The following GLDC variants were observed in gnomAD, a reference collection of about 807,000 sequenced individuals.
GLDC encodes glycine decarboxylase, also known as glycine dehydrogenase (decarboxylating), mitochondrial.
Under a neutral mutation model 121.3 loss-of-function variants are expected in GLDC, and 104 were observed. The ratio of observed to expected loss-of-function variants is 0.86; its 90% confidence interval spans 0.73 to 1.01. The LOEUF is 1.01. Among genes scored for constraint, GLDC ranks in the 50% least tolerant of loss-of-function variants. The pLI is 0.00. For synonymous variants in GLDC, 546 were observed against 480.6 expected, an observed-to-expected ratio of 1.14 and a Z score of -1.78; for missense variants, 1,429 against 1,306.6, an observed-to-expected ratio of 1.09 and a Z score of -1.44.
chr9:6,627,676 C>A (rs1295087014), intron 2 of GLDC, among the ~76,000 whole-genome samples: 1 of 152,176 alleles, frequency 6.6e-6, no homozygotes, highest in Non-Finnish European at 1.5e-5. Flanking sequence ...CATTGCCCAA[C>A]ACTACAAAAC....
At chr9:6,614,237 T>TTTTG (rs1194174458) in intron 3 of GLDC, among the ~76,000 whole-genome samples, 1 of 151,334 alleles carries the variant, frequency 6.6e-6, no homozygotes, top group Non-Finnish European at 1.5e-5. Flanking sequence ...GGCTTTTGGT[T>TTTTG]TTTGTTTTGT....
At position 6,532,730 on chromosome 9, in the gene GLDC, A is replaced by G. The variant is rs1030929444; in HGVS notation, c.*287T>C. 15 of 413,418 alleles carry G rather than the reference A, an allele frequency of 3.6e-5. No homozygotes were observed. Among genetic ancestry groups the G allele is most frequent in the Non-Finnish European group, 6.8e-5 (15 of 221,070 alleles). The allele number at this position is 413,418 out of a possible 1,614,324, so 25.6% of individuals were successfully genotyped here. A position where few individuals can be genotyped will look rare whatever the true frequency, so the allele number is the denominator to read the frequency against. On this transcript the variant is annotated 3_prime_UTR_variant, in exon 25 of 25. Coordinates refer to ENST00000321612, the MANE Select transcript of GLDC (RefSeq NM_000170.3). The stretch of plus-strand genomic sequence containing the variant: ...TCTATGACATCTGCAAACTTGCCAC[A>G]TTAAAAGTTAAAGTTCCTAAAACTT...
intron 8 of GLDC, among the ~76,000 whole-genome samples, chr9:6,599,934 A>T (rs1297492473): frequency 6.6e-6 from 1 of 152,090 alleles, no homozygotes; most frequent in Non-Finnish European, 1.5e-5. Context: ...AACCAACTAT[A>T]AGAAGATCTT....
intron 15 of GLDC, among the ~76,000 whole-genome samples, chr9:6,580,347 T>A (rs1818149383): frequency 6.6e-6 from 1 of 152,184 alleles, no homozygotes; most frequent in African/African-American, 2.4e-5. Context: ...AGTCTGGGAA[T>A]GTGCAATAGA....
In GLDC at chr9:6,553,847, A is replaced by G. The variant is rs372257117; in HGVS notation, c.2316-338T>C. ...CCCTATACACTTTCCCAAGATGGAC[A>G]TAGGAGGGGCTGATGAGAAGATGCC... On this transcript the variant is annotated intron_variant, in intron 19 of 24. Transcript: ENST00000321612. Among the ~76,000 whole-genome samples the G allele has an allele frequency of 5.3e-5, 8 of 152,106 alleles. 1 individual carries two copies. The East Asian group carries it at 1.2e-3, about 22-fold the overall frequency.
intron 15 of GLDC, among the ~76,000 whole-genome samples, chr9:6,566,173 G>A (rs1163067086): frequency 6.6e-6 from 1 of 152,216 alleles, no homozygotes; most frequent in Non-Finnish European, 1.5e-5. Flanking sequence ...AGTCTGTGAG[G>A]CGGAGACTGC....
At chr9:6,611,538 A>C (rs1446553694) in intron 3 of GLDC, among the ~76,000 whole-genome samples, 1 of 145,330 alleles carries the variant, frequency 6.9e-6, no homozygotes, top group Admixed American at 7.3e-5. Context: ...CCTGGGCAAC[A>C]GAGCAAGACT....
At chr9:6,564,403 A>G (rs576067222) in intron 16 of GLDC, among the ~76,000 whole-genome samples, 1 of 152,124 alleles carries the variant, frequency 6.6e-6, no homozygotes, top group Non-Finnish European at 1.5e-5. Flanking sequence ...AGCATTCTTT[A>G]TTGCAAATTC....
intron 9 of GLDC, 73 bp downstream of exon 9, chr9:6,594,941 G>A (rs1818462218): frequency 1.1e-6 from 1 of 892,418 alleles, no homozygotes; most frequent in Non-Finnish European, 1.9e-6. Context: ...TATTGGACAT[G>A]CAATATTTTC....
In GLDC at chr9:6,588,689, T is replaced by C. The variant is rs746088689; in HGVS notation, c.1594A>G (p.Thr532Ala). The C allele has an allele frequency of 1.9e-6, 3 of 1,612,550 alleles. No homozygotes were observed. Among genetic ancestry groups the C allele is most frequent in the Admixed American group, 1.7e-5 (1 of 59,986 alleles). The change falls in exon 13 of 25, where the codon ACA becomes GCA. Residue 532 changes from threonine to alanine, a missense_variant. Thr to Ala is a moderately conservative substitution (Grantham distance 58). Coordinates refer to ENST00000321612, the MANE Select transcript of GLDC (RefSeq NM_000170.3). Reference sequence around the variant, plus strand: ...TTCTTCATGTACCGGACAATGTTTGTTTCAGAGTGGTAGCTGTGAACACAA... The same window carrying C: ...TTCTTCATGTACCGGACAATGTTTGCTTCAGAGTGGTAGCTGTGAACACAA... ...HQVFNSYHSE[T>A]NIVRYMKKLE...
At chr9:6,643,464 T>C (rs1819669633) in intron 2 of GLDC, among the ~76,000 whole-genome samples, 1 of 150,676 alleles carries the variant, frequency 6.6e-6, no homozygotes, top group Non-Finnish European at 1.5e-5. Flanking sequence ...ACAGCTGCTC[T>C]CTCTTCATTT....
intron 8 of GLDC, among the ~76,000 whole-genome samples, chr9:6,601,606 T>A (rs1256487983): frequency 2.0e-5 from 3 of 151,980 alleles, no homozygotes; most frequent in African/African-American, 7.3e-5. Flanking sequence ...AAACACAGTG[T>A]CTTTTTCTTT....
At chr9:6,573,548 G>A (rs1256742747) in intron 15 of GLDC, among the ~76,000 whole-genome samples, 1 of 148,450 alleles carries the variant, frequency 6.7e-6, no homozygotes, top group East Asian at 2.2e-4. Flanking sequence ...AGCAAAAGAA[G>A]AAGAAAAAAG....
In GLDC at chr9:6,607,580, TTAAA is replaced by T. The variant is rs368698305; in HGVS notation, c.636-915_636-912del. ...CTAGGCCACAGAGCGAGACTCTGTC[TTAAA>T]TAAATAAATACATACATACATAAAT... On this transcript the variant is annotated intron_variant, in intron 4 of 24. Transcript: ENST00000321612. Among the ~76,000 whole-genome samples, 50 of 152,216 alleles carry T rather than the reference TTAAA, an allele frequency of 3.3e-4. 1 individual carries two copies. The East Asian group carries it at 7.7e-3, about 24-fold the overall frequency.
At chr9:6,641,836 C>T (rs1819636004) in intron 2 of GLDC, among the ~76,000 whole-genome samples, 1 of 152,206 alleles carries the variant, frequency 6.6e-6, no homozygotes, top group Non-Finnish European at 1.5e-5. Flanking sequence ...GCTCTCACTA[C>T]AGTTTTCTCT....
At position 6,604,645 on chromosome 9, in the gene GLDC, A is replaced by G; in HGVS notation, c.1001T>C (p.Phe334Ser). The G allele has an allele frequency of 6.2e-7, 1 of 1,613,888 alleles. No individual in the cohort carries two copies. Among genetic ancestry groups the G allele is most frequent in the Non-Finnish European group, 8.5e-7 (1 of 1,180,014 alleles). ...LGYGGPHAAF[F>S]AVRESLVRMM... ...TCTCACCAAGCTTTCTCGGACAGCA[A>G]AAAATGCTGCATGGGGTCCCCCATA... is the stretch of plus-strand genomic sequence containing the variant. Residue 334 changes from phenylalanine to serine, a missense_variant, in exon 7 of 25, where the codon TTT (phenylalanine) becomes TCT (serine). Phe to Ser is a radical substitution (Grantham distance 155). Coordinates refer to ENST00000321612, the MANE Select transcript of GLDC (RefSeq NM_000170.3).
rs552882294 is a variant in GLDC at position 6,600,342 on chromosome 9, T to C, written c.1155+1767A>G. Among the ~76,000 whole-genome samples the C allele has an allele frequency of 5.4e-5, 8 of 148,224 alleles. 1 individual carries two copies. In the South Asian group the frequency reaches 1.7e-3, roughly 32 times the overall value. ...GTGAGCTATGGCCATGCCACTGCAC[T>C]CCAGAATGGACAACAGAGCAAGAAT... On this transcript the variant is annotated intron_variant, in intron 8 of 24. Coordinates refer to ENST00000321612, the MANE Select transcript of GLDC (RefSeq NM_000170.3).
At chr9:6,568,236 G>A (rs1331002793) in intron 15 of GLDC, among the ~76,000 whole-genome samples, 1 of 152,112 alleles carries the variant, frequency 6.6e-6, no homozygotes, top group African/African-American at 2.4e-5. Flanking sequence ...ATAAAAATCA[G>A]CTATGTTTCA....
At chr9:6,567,246 AG>A (rs1168434800) in intron 15 of GLDC, 58 of 152,284 alleles carry the variant, frequency 3.8e-4, no homozygotes, top group African/African-American at 1.4e-3. Flanking sequence ...CTCTCTTCCA[AG>A]AAGAAAGGCA....
Sources: gnomAD v4.1 joint callset for allele counts (sites outside exome capture counted in the v4.1 genomes callset) on GRCh38, gnomAD v4.1.1 for gene constraint, MANE v1.5 for transcripts, NCBI Gene and HGNC (gene_info 2026-07-23, HGNC 2026-07-21) for gene names.